WDFY3: variants seen among roughly 807,000 people sequenced by gnomAD.
WDFY3 encodes WD repeat and FYVE domain containing 3, also known as WD repeat and FYVE domain-containing protein 3.
In WDFY3, 66 loss-of-function variants were observed where a neutral mutation model predicts 409.6. The ratio of observed to expected loss-of-function variants is 0.16; its 90% CI spans 0.13 to 0.20. The LOEUF is 0.20. Among genes scored for constraint, WDFY3 ranks in the 10% least tolerant of loss-of-function variants. The probability of loss-of-function intolerance (pLI) is 1.00; values close to 1 mark genes in which losing one functional copy is unlikely to be tolerated. For synonymous variants in WDFY3, 1,521 were observed against 1,537.1 expected (o/e 0.99, Z 0.25); for missense variants, 3,031 against 4,298.1 (o/e 0.71, Z 8.24).
At chr4:84,954,520 A>G (rs1045739624) in intron 1 of WDFY3, among the ~76,000 whole-genome samples, 5 of 152,206 alleles carry the variant, frequency 3.3e-5, no homozygotes, top group African/African-American at 9.6e-5. Flanking sequence ...CTATAAATTT[A>G]TAGGGATTTC....
chr4:84,855,245 C>T (rs973843578), intron 4 of WDFY3, among the ~76,000 whole-genome samples: 3 of 152,112 alleles, frequency 2.0e-5, no homozygotes, highest in African/African-American at 7.2e-5. Flanking sequence ...AAACAGGAGG[C>T]AATACAGACA....
intron 1 of WDFY3, among the ~76,000 whole-genome samples, chr4:84,936,893 T>C (rs1366931681): frequency 3.3e-5 from 5 of 152,104 alleles, no homozygotes; most frequent in Admixed American, 3.3e-4. Flanking sequence ...AGATGTTACA[T>C]GCCTAGAACA....
chr4:84,882,751 G>A (rs1763712861), intron 3 of WDFY3, among the ~76,000 whole-genome samples: 1 of 148,428 alleles, frequency 6.7e-6, no homozygotes, highest in South Asian at 2.1e-4. Flanking sequence ...GTGTCATTCT[G>A]TCACCCAGGA....
At chr4:84,942,445 T>C (rs1183835769) in intron 1 of WDFY3, among the ~76,000 whole-genome samples, 1 of 152,232 alleles carries the variant, frequency 6.6e-6, no homozygotes, top group East Asian at 1.9e-4. Flanking sequence ...CCATTATTTA[T>C]GAAAAGCAAA....
intron 5 of WDFY3, among the ~76,000 whole-genome samples, 166 bp from the exon 6 acceptor site, chr4:84,841,429 A>C (rs1220634374): frequency 6.6e-6 from 1 of 152,260 alleles, no homozygotes; most frequent in African/African-American, 2.4e-5. Flanking sequence ...GGTATTCATA[A>C]ACCTTTATAT....
chr4:84,938,174 T>C (rs1771671784), intron 1 of WDFY3, among the ~76,000 whole-genome samples: 1 of 152,088 alleles, frequency 6.6e-6, no homozygotes, highest in African/African-American at 2.4e-5. Context: ...TAAAAAAGAA[T>C]CTGGCACATA....
chr4:84,804,923 C>T (rs1456664838), intron 15 of WDFY3, among the ~76,000 whole-genome samples: 1 of 152,076 alleles, frequency 6.6e-6, no homozygotes, highest in East Asian at 1.9e-4. Flanking sequence ...CATCTTTGGA[C>T]ACTGAACTCT....
chr4:84,793,957 A>C (rs896511371), intron 21 of WDFY3, among the ~76,000 whole-genome samples: 2 of 152,222 alleles, frequency 1.3e-5, no homozygotes, highest in African/African-American at 4.8e-5. Flanking sequence ...AATTAAGTAA[A>C]TTGAGATTTA....
intron 44 of WDFY3, among the ~76,000 whole-genome samples, chr4:84,730,715 C>G (rs1030373783): frequency 2.0e-5 from 3 of 151,888 alleles, no homozygotes; most frequent in Non-Finnish European, 4.4e-5. Context: ...CTTCCTAGGC[C>G]ATATTGGAAG....
intron 56 of WDFY3, among the ~76,000 whole-genome samples, chr4:84,697,498 A>G (rs1164046490): frequency 6.6e-6 from 1 of 152,270 alleles, no homozygotes; most frequent in Non-Finnish European, 1.5e-5. Flanking sequence ...GATAAAGCAC[A>G]TAAATAATAT....
At chr4:84,851,429 A>G (rs1211622284) in intron 4 of WDFY3, among the ~76,000 whole-genome samples, 1 of 152,160 alleles carries the variant, frequency 6.6e-6, no homozygotes, top group Non-Finnish European at 1.5e-5. Flanking sequence ...CTCCCTAAAT[A>G]TGGTTGTTTA....
At chr4:84,812,113 A>C (rs1377192407) in intron 13 of WDFY3, among the ~76,000 whole-genome samples, 1 of 152,188 alleles carries the variant, frequency 6.6e-6, no homozygotes, top group African/African-American at 2.4e-5. Context: ...GAAGTTATGA[A>C]GATTTCATTG....
intron 10 of WDFY3, among the ~76,000 whole-genome samples, chr4:84,826,208 G>A (rs1324422138): frequency 6.6e-6 from 1 of 152,132 alleles, no homozygotes; most frequent in Non-Finnish European, 1.5e-5. Flanking sequence ...TACTGAATAT[G>A]TACAGACTTT....
intron 3 of WDFY3, among the ~76,000 whole-genome samples, chr4:84,873,780 T>G (rs555890016): frequency 1.9e-4 from 29 of 151,208 alleles, no homozygotes; most frequent in Admixed American, 3.3e-4. Context: ...TGTGTTTTTT[T>G]TTTGTTTGTT....
At chr4:84,906,618 A>G (rs1767073658) in intron 2 of WDFY3, among the ~76,000 whole-genome samples, 2 of 152,184 alleles carry the variant, frequency 1.3e-5, no homozygotes, top group South Asian at 2.1e-4. Context: ...ATATAAAATG[A>G]TACAGTAATT....
chr4:84,765,612 A>G (rs1325649497), intron 32 of WDFY3, among the ~76,000 whole-genome samples, 198 bp downstream of exon 32: 3 of 152,206 alleles, frequency 2.0e-5, no homozygotes, highest in Non-Finnish European at 4.4e-5. Context: ...AAATCTTAGT[A>G]TGTTATCTCT....
At chr4:84,827,517 C>T (rs991694604) in intron 9 of WDFY3, among the ~76,000 whole-genome samples, 1 of 152,002 alleles carries the variant, frequency 6.6e-6, no homozygotes, top group African/African-American at 2.4e-5. Flanking sequence ...GTGAGAGTTC[C>T]AACAGCTGGC....
At chr4:84,743,892 T>TA (rs1025967804) in intron 36 of WDFY3, 93 bp from the exon 37 acceptor site, 1 of 737,394 alleles carries the variant, frequency 1.4e-6, no homozygotes, top group East Asian at 3.5e-5. Flanking sequence ...TTAAAAAGAT[T>TA]AAAAAATTCT....
At chr4:84,724,349 G>C in intron 46 of WDFY3, 77 bp downstream of exon 46, 1 of 1,510,056 alleles carries the variant, frequency 6.6e-7, no homozygotes, top group Non-Finnish European at 8.9e-7. Flanking sequence ...ATTTATAGTT[G>C]CTCAAATTTT....
Sources: gnomAD v4.1 joint callset for allele counts (sites outside exome capture counted in the v4.1 genomes callset) on GRCh38, gnomAD v4.1.1 for gene constraint, MANE v1.5 for transcripts, NCBI Gene and HGNC (gene_info 2026-07-23, HGNC 2026-07-21) for gene names.